IL1RAPL1: variants seen among roughly 807,000 people sequenced by gnomAD.
IL1RAPL1 encodes interleukin 1 receptor accessory protein like 1.
A neutral mutation model predicts 48.4 loss-of-function variants in IL1RAPL1; 3 were observed. That is an observed-to-expected ratio of 0.06 (90% CI 0.03 to 0.16). The LOEUF (loss-of-function observed/expected upper bound fraction) is 0.16. Among genes scored for constraint, IL1RAPL1 ranks in the 10% least tolerant of loss-of-function variants. The pLI is 1.00. For synonymous variants in IL1RAPL1, 185 were observed against 187.7 expected, an observed-to-expected ratio of 0.99 and a Z score of 0.12; for missense variants, 349 against 530.6, an observed-to-expected ratio of 0.66 and a Z score of 3.36.
At chrX:29,925,422 T>TTTTTG (rs1932879981) in intron 8 of IL1RAPL1, among the ~76,000 whole-genome samples, 1 of 20,432 alleles carries the variant, frequency 4.9e-5, no homozygotes, top group Non-Finnish European at 9.6e-5. Flanking sequence ...GTTTTTTTTT[T>TTTTTG]TTTTTTTTTT....
chrX:28,726,013 A>G (rs1439947187), intron 1 of IL1RAPL1, among the ~76,000 whole-genome samples: 1 of 112,572 alleles, frequency 8.9e-6, no homozygotes, highest in Non-Finnish European at 1.9e-5. Flanking sequence ...GTTATTTATG[A>G]CAATGAAATA....
At chrX:29,871,135 T>TC (rs1393253561) in intron 6 of IL1RAPL1, among the ~76,000 whole-genome samples, 1 of 111,920 alleles carries the variant, frequency 8.9e-6, no homozygotes, top group African/African-American at 3.2e-5. Flanking sequence ...ACCGGCAACG[T>TC]CTAATCTCTC....
rs765928130 is a variant in IL1RAPL1, at chrX:29,612,219, A to G, written c.704-56211A>G. On this transcript the variant is annotated intron_variant, in intron 5 of 10. Coordinates refer to ENST00000378993, the MANE Select transcript of IL1RAPL1 (RefSeq NM_014271.4). Reference sequence around the variant, plus strand: ...TTAATTTTGTAATAGAGCAATGGGTAATATTTTTGAGTCAATGGACCCTTT... The same window carrying G: ...TTAATTTTGTAATAGAGCAATGGGTGATATTTTTGAGTCAATGGACCCTTT... Among the ~76,000 whole-genome samples, 9 of 110,831 alleles carry G rather than the reference A, an allele frequency of 8.1e-5. No individual in the cohort carries two copies. In the South Asian group the frequency reaches 3.4e-3, roughly 42 times the overall value.
At chrX:29,735,606 G>T (rs1300477236) in intron 6 of IL1RAPL1, among the ~76,000 whole-genome samples, 1 of 111,793 alleles carries the variant, frequency 8.9e-6, no homozygotes, top group Non-Finnish European at 1.9e-5. Flanking sequence ...ATTGGAATAA[G>T]TTCCAGACTC....
chrX:29,162,273 A>C (rs1327218749), intron 2 of IL1RAPL1, among the ~76,000 whole-genome samples: 1 of 111,105 alleles, frequency 9.0e-6, no homozygotes, highest in Non-Finnish European at 1.9e-5. Flanking sequence ...CTTAAAACCT[A>C]GATGATGGGT....
At chrX:29,872,320 A>G (rs1931815222) in intron 6 of IL1RAPL1, among the ~76,000 whole-genome samples, 1 of 111,962 alleles carries the variant, frequency 8.9e-6, no homozygotes, top group Admixed American at 9.4e-5. Flanking sequence ...CACTAAGCCT[A>G]TAAATATCCT....
intron 5 of IL1RAPL1, among the ~76,000 whole-genome samples, chrX:29,539,405 A>G (rs1015777110): frequency 9.0e-6 from 1 of 111,638 alleles, no homozygotes; most frequent in African/African-American, 3.3e-5. Context: ...TTGAAGGAAC[A>G]TACCTCAAAA....
chrX:29,264,064 A>C (rs1423136054), intron 2 of IL1RAPL1, among the ~76,000 whole-genome samples: 1 of 110,715 alleles, frequency 9.0e-6, no homozygotes, highest in African/African-American at 3.3e-5. Flanking sequence ...GGATACACAC[A>C]TGCACTATAT....
At chrX:29,227,646 A>G (rs1039140633) in intron 2 of IL1RAPL1, among the ~76,000 whole-genome samples, 20 of 112,238 alleles carry the variant, frequency 1.8e-4, no homozygotes, top group African/African-American at 5.2e-4. Flanking sequence ...TTGACATAAA[A>G]TAAGCACTCT....
chrX:29,540,678 G>T (rs879185135), intron 5 of IL1RAPL1, among the ~76,000 whole-genome samples: 3 of 111,453 alleles, frequency 2.7e-5, no homozygotes, highest in Non-Finnish European at 3.8e-5. Flanking sequence ...TAAGCAATGG[G>T]GAAAGGACTC....
At chrX:29,620,200 G>A (rs1164435348) in intron 5 of IL1RAPL1, among the ~76,000 whole-genome samples, 6 of 111,850 alleles carry the variant, frequency 5.4e-5, no homozygotes, top group Non-Finnish European at 1.1e-4. Context: ...AAACCTAAAT[G>A]ATGACTAGCT....
At chrX:28,604,332 A>G (rs1214282706) in intron 1 of IL1RAPL1, among the ~76,000 whole-genome samples, 2 of 111,897 alleles carry the variant, frequency 1.8e-5, no homozygotes, top group Non-Finnish European at 3.8e-5. Context: ...GACATTTACT[A>G]GCTGTGTAAC....
chrX:29,389,009 G>A (rs1292487627), intron 3 of IL1RAPL1, among the ~76,000 whole-genome samples: 1 of 111,817 alleles, frequency 8.9e-6, no homozygotes, highest in Admixed American at 9.5e-5. Context: ...ATTATGAGAA[G>A]CATACATATT....
chrX:29,671,525 T>TA (rs1006347659), intron 6 of IL1RAPL1, among the ~76,000 whole-genome samples: 21 of 111,986 alleles, frequency 1.9e-4, no homozygotes, highest in South Asian at 3.7e-4. Flanking sequence ...TTTCTAAATG[T>TA]AAAAAAAAGA....
chrX:29,530,987 C>A (rs765185419), intron 5 of IL1RAPL1, among the ~76,000 whole-genome samples: 1 of 112,020 alleles, frequency 8.9e-6, no homozygotes, highest in East Asian at 2.8e-4. Flanking sequence ...AGACATTATG[C>A]ATTTGAAAGG....
At chrX:29,056,526 CTT>C (rs969685803) in intron 2 of IL1RAPL1, among the ~76,000 whole-genome samples, 1 of 111,966 alleles carries the variant, frequency 8.9e-6, no homozygotes, top group Non-Finnish European at 1.9e-5. Flanking sequence ...AGAGGATTAA[CTT>C]TATGGCACAT....
At chrX:28,836,363 TGAC>T (rs1921212779) in intron 2 of IL1RAPL1, among the ~76,000 whole-genome samples, 3 of 72,184 alleles carry the variant, frequency 4.2e-5, no homozygotes, top group African/African-American at 3.5e-4. Flanking sequence ...TATATATATA[TGAC>T]AGAGAGAGAG....
chrX:29,131,105 A>G (rs189585557), intron 2 of IL1RAPL1, among the ~76,000 whole-genome samples: 1 of 110,659 alleles, frequency 9.0e-6, no homozygotes, highest in African/African-American at 3.3e-5. Flanking sequence ...TTCACATTAC[A>G]TATAGTAGCC....
rs1027978413 is a variant in IL1RAPL1, at chrX:28,968,312, TG to T, written c.82+178893del. Among the ~76,000 whole-genome samples the T allele has an allele frequency of 2.7e-5, 3 of 111,270 alleles. No homozygotes were observed. In the South Asian group the frequency reaches 1.1e-3, roughly 42 times the overall value. ...AATGAAGTGTAGGTTATTATTAATTTGGGGGGCTGAGATACAAAGTAACATC... is the reference window on the plus strand; with the variant it reads ...AATGAAGTGTAGGTTATTATTAATTTGGGGGCTGAGATACAAAGTAACATC... On this transcript the variant is annotated intron_variant, in intron 2 of 10. Coordinates refer to ENST00000378993, the MANE Select transcript of IL1RAPL1 (RefSeq NM_014271.4).
Sources: gnomAD v4.1 joint callset for allele counts (sites outside exome capture counted in the v4.1 genomes callset) on GRCh38, gnomAD v4.1.1 for gene constraint, MANE v1.5 for transcripts, NCBI Gene and HGNC (gene_info 2026-07-23, HGNC 2026-07-21) for gene names.